The following DOCK3 variants were observed in gnomAD, a reference collection of about 807,000 sequenced individuals.
The protein encoded by DOCK3 is dedicator of cytokinesis protein 3.
A neutral mutation model predicts 265.6 loss-of-function variants in DOCK3; 60 were observed. That is an observed-to-expected ratio of 0.23 (90% CI 0.18 to 0.28). DOCK3 has a LOEUF of 0.28. Ranked by LOEUF, DOCK3 falls within the 10% of genes least tolerant of loss-of-function variation. DOCK3 has a pLI of 1.00. For synonymous variants in DOCK3, 881 were observed against 938.0 expected (o/e 0.94, Z 1.11); for missense variants, 1,981 against 2,594.3 (o/e 0.76, Z 5.14).
chr3:51,260,939 G>A (rs1049747865), intron 23 of DOCK3, among the ~76,000 whole-genome samples: 3 of 151,574 alleles, frequency 2.0e-5, no homozygotes, highest in African/African-American at 4.9e-5. Flanking sequence ...AGCCAAGATC[G>A]CACCACTGCA....
intron 49 of DOCK3, among the ~76,000 whole-genome samples, chr3:51,368,604 C>T (rs1182168411): frequency 6.6e-6 from 1 of 152,228 alleles, no homozygotes; most frequent in Non-Finnish European, 1.5e-5. Context: ...GGGCTGCCTG[C>T]CTCTGTAGCC....
intron 2 of DOCK3, among the ~76,000 whole-genome samples, chr3:50,817,936 G>T (rs1328265454): frequency 3.3e-5 from 5 of 152,128 alleles, no homozygotes; most frequent in Admixed American, 6.5e-5. Context: ...TACTATCCTT[G>T]TCTTTTTCTC....
chr3:50,762,839 G>A (rs2040617977), intron 1 of DOCK3, among the ~76,000 whole-genome samples: 1 of 151,960 alleles, frequency 6.6e-6, no homozygotes, highest in Non-Finnish European at 1.5e-5. Context: ...CTTGTGATAT[G>A]TTTGTTTGGT....
At chr3:51,357,874 A>G in intron 45 of DOCK3, 33 bp downstream of exon 45, 2 of 1,613,760 alleles carry the variant, frequency 1.2e-6, no homozygotes, top group Non-Finnish European at 1.7e-6. Context: ...ACCAGCAGCC[A>G]GGTGAGAAAA....
intron 5 of DOCK3, among the ~76,000 whole-genome samples, chr3:51,027,901 G>A (rs752312921): frequency 4.3e-4 from 65 of 151,398 alleles, no homozygotes; most frequent in Admixed American, 2.3e-3. Context: ...TTGCCACTCT[G>A]TATCTTTTAA....
chr3:51,000,202 T>A (rs1440287350), intron 5 of DOCK3, among the ~76,000 whole-genome samples: 1 of 152,236 alleles, frequency 6.6e-6, no homozygotes, highest in Non-Finnish European at 1.5e-5. Context: ...CATAATCTTT[T>A]GCTCAGGCGA....
chr3:50,844,926 A>G (rs2046009194), intron 3 of DOCK3, among the ~76,000 whole-genome samples: 2 of 152,184 alleles, frequency 1.3e-5, no homozygotes, highest in African/African-American at 2.4e-5. Flanking sequence ...AGAGTCATCA[A>G]AATATTAACT....
At chr3:50,883,420 G>A (rs1160451956) in intron 3 of DOCK3, among the ~76,000 whole-genome samples, 1 of 151,904 alleles carries the variant, frequency 6.6e-6, no homozygotes, top group African/African-American at 2.4e-5. Context: ...TTTACCCATG[G>A]GTTTGCTTAC....
chr3:51,248,667 T>C (rs1560280633), intron 22 of DOCK3, among the ~76,000 whole-genome samples: 1 of 150,516 alleles, frequency 6.6e-6, no homozygotes, highest in Non-Finnish European at 1.5e-5. Context: ...GTCTGGGATG[T>C]GAGGAGCCCC....
At chr3:50,741,962 C>T (rs879887838) in intron 1 of DOCK3, among the ~76,000 whole-genome samples, 193 of 152,274 alleles carry the variant, frequency 1.3e-3, no homozygotes, top group Non-Finnish European at 2.1e-3. Context: ...TTAATGATTG[C>T]CATTCTAACT....
At chr3:51,344,240 C>G (rs770132063) in intron 38 of DOCK3, among the ~76,000 whole-genome samples, 1 of 152,180 alleles carries the variant, frequency 6.6e-6, no homozygotes. Flanking sequence ...CCATGCTTTT[C>G]CCTTCCTTTG....
Position 51,381,470 on chromosome 3 carries a change from G to A in DOCK3, c.6004G>A (p.Gly2002Ser). 1.3e-6 allele frequency: 2 copies of A among 1,594,870 alleles called. No homozygotes were observed. Among genetic ancestry groups the A allele is most frequent in the Non-Finnish European group, 1.7e-6 (2 of 1,171,402 alleles). Residue 2002 changes from glycine to serine, a missense_variant, in exon 53 of 53, where the codon GGC becomes AGC. Gly to Ser is a moderately conservative substitution (Grantham distance 56, BLOSUM62 0). Around this residue, in one of 4 missense-constraint regions of DOCK3, gnomAD observed 149 missense variants for 144.7 expected, o/e 1.03. Coordinates refer to ENST00000266037, the MANE Select transcript of DOCK3 (RefSeq NM_004947.5). This position sits in a 1 kb window ranked among gnomAD's most constrained non-coding sequence, Gnocchi z 5.6. ...GCGTGAAGAGACTGAGAGGCCTCGA[G>A]GCCTGCACCGCAAGGCTCCATTGCC... ...LLREETERPRGLHRKAPLPPG... is the reference protein window; with the variant it reads ...LLREETERPRSLHRKAPLPPG...
At chr3:51,378,672 G>T (rs1407288621) in intron 51 of DOCK3, among the ~76,000 whole-genome samples, 1 of 152,216 alleles carries the variant, frequency 6.6e-6, no homozygotes, top group African/African-American at 2.4e-5. Flanking sequence ...CTGGCCAAAA[G>T]AATTCACATG....
chr3:51,047,328 C>CA, intron 5 of DOCK3, among the ~76,000 whole-genome samples: 1 of 151,592 alleles, frequency 6.6e-6, no homozygotes, highest in Non-Finnish European at 1.5e-5. Flanking sequence ...ATGGGTGCAG[C>CA]ACACCAACAT....
intron 49 of DOCK3, among the ~76,000 whole-genome samples, chr3:51,370,896 T>G (rs1232735875): frequency 6.6e-6 from 1 of 152,202 alleles, no homozygotes; most frequent in Non-Finnish European, 1.5e-5. Flanking sequence ...GGCTGGCAAT[T>G]GATGCTGGTG....
chr3:50,752,727 G>A (rs1181687393), intron 1 of DOCK3, among the ~76,000 whole-genome samples: 1 of 152,028 alleles, frequency 6.6e-6, no homozygotes, highest in African/African-American at 2.4e-5. Context: ...GCACAGAGCC[G>A]AGATCGCACC....
chr3:50,967,694 T>G (rs973053953), intron 5 of DOCK3, among the ~76,000 whole-genome samples: 7 of 152,212 alleles, frequency 4.6e-5, no homozygotes, highest in African/African-American at 1.7e-4. Flanking sequence ...AGGAGAAGAA[T>G]GAGTGCCCTG....
chr3:50,917,698 A>AT (rs932689339), intron 4 of DOCK3, among the ~76,000 whole-genome samples: 1 of 148,902 alleles, frequency 6.7e-6, no homozygotes, highest in Non-Finnish European at 1.5e-5. Flanking sequence ...TATCTCATTA[A>AT]TTTTTTTCAG....
At chr3:51,149,192 G>A (rs12491836) in intron 10 of DOCK3, among the ~76,000 whole-genome samples, 10,804 of 152,176 alleles carry the variant, frequency 0.071, 961 homozygotes, top group East Asian at 0.32. Flanking sequence ...TTGATTTTGT[G>A]TCCTGAAACT....
Sources: gnomAD v4.1 joint callset for allele counts (sites outside exome capture counted in the v4.1 genomes callset) on GRCh38, gnomAD v4.1.1 for gene constraint, gnomAD v4.1.1 regional missense constraint, Gnocchi (gnomAD v3.1) non-coding constraint, MANE v1.5 for transcripts, NCBI Gene and HGNC (gene_info 2026-07-23, HGNC 2026-07-21) for gene names.